Variants in TTC16 observed in about 807,000 individuals in gnomAD.
The protein encoded by TTC16 is tetratricopeptide repeat protein 16.
Under a neutral mutation model 80.4 loss-of-function variants are expected in TTC16, and 66 were observed. That is an observed-to-expected ratio of 0.82 (90% CI 0.67 to 1.01). TTC16 has a LOEUF of 1.01. Ranked by LOEUF, TTC16 falls within the 50% of genes least tolerant of loss-of-function variation. The pLI, the probability that TTC16 is intolerant of heterozygous loss-of-function variation, is 0.00. For synonymous variants in TTC16, 438 were observed against 451.3 expected, an observed-to-expected ratio of 0.97 and a Z score of 0.37; for missense variants, 1,070 against 1,103.2, an observed-to-expected ratio of 0.97 and a Z score of 0.43.
At chr9:127,729,274 C>T (rs903775723) in intron 12 of TTC16, 9 of 324,500 alleles carry the variant, frequency 2.8e-5, no homozygotes, top group Non-Finnish European at 5.3e-5. Flanking sequence ...AGGGCACAGC[C>T]CTTTACAATT....
chr9:127,720,826 CT>C (rs1843403621), intron 6 of TTC16, among the ~76,000 whole-genome samples: 6 of 18,072 alleles, frequency 3.3e-4, no homozygotes, highest in African/African-American at 1.2e-3. Context: ...TTCTTCCCTC[CT>C]GCCTTCCCTC....
intron 6 of TTC16, among the ~76,000 whole-genome samples, chr9:127,721,171 A>C (rs1843480149): frequency 6.6e-6 from 1 of 151,422 alleles, no homozygotes; most frequent in Non-Finnish European, 1.5e-5. Flanking sequence ...GTCTCCCTGG[A>C]GTCAGTGGGA....
At chr9:127,724,065 G>A in intron 7 of TTC16, 55 bp from the exon 8 acceptor site, 5 of 1,486,984 alleles carry the variant, frequency 3.4e-6, no homozygotes, top group Non-Finnish European at 4.5e-6. Flanking sequence ...GCCAGTCGGT[G>A]GGGGTGCACT....
Position 127,717,659 on chromosome 9 carries a change from T to C in TTC16, c.313T>C (p.Tyr105His). 6.2e-7 allele frequency: 1 copy of C among 1,614,052 alleles called. No individual in the cohort carries two copies. Among genetic ancestry groups the C allele is most frequent in the Non-Finnish European group, 8.5e-7 (1 of 1,179,998 alleles). Residue 105 changes from tyrosine (Y) to histidine (H), a missense_variant, in exon 4 of 14, where the codon TAC (tyrosine) becomes CAC (histidine). Physicochemically the swap from Tyr to His is moderately conservative, Grantham distance 83. Transcript: ENST00000373289. The stretch of plus-strand genomic sequence containing the variant: ...CTTCTATGCCTTACGGGCTGAGGCC[T>C]ACCTCCAGCTCTGTGACTTCTCCTC... ...VDFYALRAEA[Y>H]LQLCDFSSAA... is the part of the protein sequence containing the mutation.
Position 127,727,261 on chromosome 9 carries a change from G to A in TTC16, c.1569-9G>A, listed in dbSNP as rs376890329. 185 of 1,550,360 alleles carry A rather than the reference G, an allele frequency of 1.2e-4. 1 individual carries two copies. The highest frequency in any genetic ancestry group is 3.5e-4 in the Middle Eastern group (2 of 5,752). ...AGACTGACAATACCTGGGGGGTATC[G>A]TTTGGCAGGATGCTTAAACGGCACG... On this transcript the variant is annotated splice_polypyrimidine_tract_variant and intron_variant, in intron 11 of 13. Coordinates refer to ENST00000373289, the MANE Select transcript of TTC16 (RefSeq NM_144965.3).
intron 9 of TTC16, among the ~76,000 whole-genome samples, chr9:127,725,618 T>C (rs985868992): frequency 2.0e-5 from 3 of 150,532 alleles, no homozygotes; most frequent in African/African-American, 4.9e-5. Flanking sequence ...TCCTTTTTTT[T>C]AGATGGAGTC....
chr9:127,724,775 C>A lies in TTC16; in HGVS notation c.1137C>A (p.Gly379=). The part of the protein sequence containing the change: ...INRGDCFFQL[G]NLAFAEADYQ... ...CCCTAGATTGCTTCTTCCAGCTGGG[C>A]AACCTGGCCTTTGCCGAGGCGGACT... The change falls in exon 9 of 14, where the codon GGC becomes GGA. Residue 379 remains glycine (G), a synonymous_variant. Transcript: ENST00000373289. 6.2e-7 allele frequency: 1 copy of A among 1,610,574 alleles called. No individual in the cohort carries two copies.
chr9:127,717,511 G>T (rs1843135313), intron 3 of TTC16, 87 bp downstream of exon 3: 1 of 1,574,676 alleles, frequency 6.4e-7, no homozygotes, highest in Admixed American at 1.7e-5. Context: ...CTCCTCTCAG[G>T]GCCACCAAGT....
chr9:127,724,827 C>T lies in TTC16; in HGVS notation c.1189C>T (p.Gln397Ter). The change falls in exon 9 of 14, where the codon CAG becomes TAG. Residue 397 changes from glutamine to a stop codon, truncating the protein, a stop_gained. Coordinates refer to ENST00000373289, the MANE Select transcript of TTC16 (RefSeq NM_144965.3). LOFTEE classifies it high-confidence loss of function. ...DYQQALALSP[Q>*]DEGANTRMGL... The stretch of plus-strand genomic sequence containing the variant: ...CCAGCAGGCGCTGGCGCTGAGCCCT[C>T]AGGACGAGGGCGCCAACACGCGCAT... 1 of 1,605,656 alleles carries T rather than the reference C, an allele frequency of 6.2e-7. No individual in the cohort carries two copies.
At position 127,724,873 on chromosome 9, in the gene TTC16, T is replaced by G; in HGVS notation, c.1235T>G (p.Met412Arg). ...NTRMGLLQEK[M>R]GFCEQRRKQF... Reference sequence around the variant, plus strand: ...CGCATGGGCCTGCTGCAGGAGAAGATGGGCTTCTGCGAGCAGAGGCGCAAG... The same window carrying G: ...CGCATGGGCCTGCTGCAGGAGAAGAGGGGCTTCTGCGAGCAGAGGCGCAAG... Residue 412 changes from methionine (M) to arginine (R), a missense_variant, in exon 9 of 14, where the codon ATG becomes AGG. By Grantham distance (91) the Met-to-Arg change is moderately conservative. Transcript: ENST00000373289. The G allele has an allele frequency of 6.4e-7, 1 of 1,568,680 alleles. No individual in the cohort carries two copies. The highest frequency in any genetic ancestry group is 8.6e-7 in the Non-Finnish European group (1 of 1,159,856).
rs572334707 is a variant in TTC16 at position 127,727,300 on chromosome 9, G to C, written c.1599G>C (p.Gln533His). 4.4e-5 allele frequency: 70 copies of C among 1,578,558 alleles called. 1 individual carries two copies. In the South Asian group the frequency reaches 7.6e-4, roughly 17 times the overall value. Residue 533 changes from glutamine to histidine, a missense_variant, in exon 12 of 14, where the codon CAG becomes CAC. Coordinates refer to ENST00000373289, the MANE Select transcript of TTC16 (RefSeq NM_144965.3). ...TTAAACGGCACGAGTTGGAGCGCCA[G>C]AAGGCCTTGGCCCTGCAGCACTCAT... ...GMLKRHELER[Q>H]KALALQHSWK...
chr9:127,726,958 C>T lies in TTC16; in HGVS notation c.1426-12C>T. The T allele has an allele frequency of 6.2e-7, 1 of 1,613,272 alleles. No homozygotes were observed. The highest frequency in any genetic ancestry group is 8.5e-7 in the Non-Finnish European group (1 of 1,180,012). ...GCCCTCACCTGGCTCTGGTCACCCC[C>T]TTTCGTGGCAGCTGTCCCTGCTGAT... On this transcript the variant is annotated splice_polypyrimidine_tract_variant and intron_variant, in intron 10 of 13. Transcript: ENST00000373289.
intron 9 of TTC16, among the ~76,000 whole-genome samples, 154 bp downstream of exon 9, chr9:127,725,051 G>T (rs1052654562): frequency 6.6e-6 from 1 of 152,266 alleles, no homozygotes; most frequent in Non-Finnish European, 1.5e-5. Flanking sequence ...GATCGCCTGA[G>T]GTCGAGAGTT....
intron 6 of TTC16, among the ~76,000 whole-genome samples, chr9:127,720,809 T>TACCC (rs1843391983): frequency 8.7e-6 from 1 of 115,576 alleles, no homozygotes; most frequent in African/African-American, 3.6e-5. Context: ...CCTTCCTCCC[T>TACCC]CCTTCTTTCT....
At position 127,724,822 on chromosome 9, in the gene TTC16, GCCCTCA is replaced by G. The variant is rs1409011280; in HGVS notation, c.1185_1190del (p.Ser395_Gln397delinsArg). 2 of 1,607,414 alleles carry G rather than the reference GCCCTCA, an allele frequency of 1.2e-6. No homozygotes were observed. The highest frequency in any genetic ancestry group is 3.4e-5 in the Admixed American group (2 of 59,388). ...GACTACCAGCAGGCGCTGGCGCTGAGCCCTCAGGACGAGGGCGCCAACACGCGCATG... is the reference window on the plus strand; with the variant it reads ...GACTACCAGCAGGCGCTGGCGCTGAGGGACGAGGGCGCCAACACGCGCATG... On this transcript the variant is annotated inframe_deletion, in exon 9 of 14. Transcript: ENST00000373289.
At position 127,724,104 on chromosome 9, in the gene TTC16, A is replaced by ATG. The variant is rs199980157; in HGVS notation, c.873-16_873-15insTG. The ATG allele has an allele frequency of 2.1e-3, 2,694 of 1,310,628 alleles. 2 individuals are homozygous for ATG. Among genetic ancestry groups the ATG allele is most frequent in the African/African-American group, 8.7e-3 (463 of 53,478 alleles). 81.2% of individuals were successfully genotyped at this position (1,310,628 alleles called of 1,614,324 possible). A position where few individuals can be genotyped will look rare whatever the true frequency, so the allele number is the denominator to read the frequency against. On this transcript the variant is annotated splice_polypyrimidine_tract_variant and intron_variant, in intron 7 of 13. Coordinates refer to ENST00000373289, the MANE Select transcript of TTC16 (RefSeq NM_144965.3). Reference sequence around the variant, plus strand: ...GCTCATGTCCCTCCTGCCGTCTCCCACGCCCCCCCCGACAGGGGCACCATG... The same window carrying ATG: ...GCTCATGTCCCTCCTGCCGTCTCCCATGCGCCCCCCCCGACAGGGGCACCATG...
rs766793641 is a variant in TTC16, at chr9:127,716,934, G to C, written c.109G>C (p.Gly37Arg). The change falls in exon 2 of 14, where the codon GGG becomes CGG. Residue 37 changes from glycine to arginine, a missense_variant. Gly to Arg is a moderately radical substitution (Grantham distance 125). Coordinates refer to ENST00000373289, the MANE Select transcript of TTC16 (RefSeq NM_144965.3). ...CAAAGGGATCCTGCAGCACATCTTT[G>C]GGACCAGCCACGTGTTCCAAAGCAT... ...APKGILQHIFGTSHVFQSICD... is the reference protein window; with the variant it reads ...APKGILQHIFRTSHVFQSICD... 3.1e-6 allele frequency: 5 copies of C among 1,614,132 alleles called. No homozygotes were observed. In the South Asian group the frequency reaches 5.5e-5, roughly 18 times the overall value.
Position 127,720,280 on chromosome 9 carries a change from T to C in TTC16, c.542T>C (p.Leu181Pro), listed in dbSNP as rs746790686. The C allele has an allele frequency of 6.2e-7, 1 of 1,613,384 alleles. No homozygotes were observed. Among genetic ancestry groups the C allele is most frequent in the Admixed American group, 1.7e-5 (1 of 60,012 alleles). ...TCTGCCCTCAGCATGGCCTGTCTCC[T>C]GGCCCTCAAGCAGCATCAGGCCTGC... The part of the protein sequence containing the change: ...CFRYRCMACL[L>P]ALKQHQACLT... Residue 181 changes from leucine (L) to proline (P), a missense_variant, in exon 6 of 14, where the codon CTG becomes CCG. Transcript: ENST00000373289.
Position 127,720,254 on chromosome 9 carries a change from C to G in TTC16, c.528-12C>G. 1 of 1,613,406 alleles carries G rather than the reference C, an allele frequency of 6.2e-7. No homozygotes were observed. The highest frequency in any genetic ancestry group is 8.5e-7 in the Non-Finnish European group (1 of 1,179,960). Reference sequence around the variant, plus strand: ...ACCCGGGAAACGAGCACTCTGTGCCCTCTGCCCTCAGCATGGCCTGTCTCC... The same window carrying G: ...ACCCGGGAAACGAGCACTCTGTGCCGTCTGCCCTCAGCATGGCCTGTCTCC... On this transcript the variant is annotated splice_polypyrimidine_tract_variant and intron_variant, in intron 5 of 13. Coordinates refer to ENST00000373289, the MANE Select transcript of TTC16 (RefSeq NM_144965.3).
Sources: gnomAD v4.1 joint callset for allele counts (sites outside exome capture counted in the v4.1 genomes callset) on GRCh38, gnomAD v4.1.1 for gene constraint, MANE v1.5 for transcripts, NCBI Gene and HGNC (gene_info 2026-07-23, HGNC 2026-07-21) for gene names.